KMO: variants seen among roughly 807,000 people sequenced by gnomAD.
KMO encodes the protein kynurenine 3-hydroxylase.
KMO carries 24 observed loss-of-function variants against 57.8 expected under a neutral mutation model. The observed-to-expected ratio is 0.42, with a 90% CI of 0.30 to 0.58. The LOEUF is 0.58. KMO is among the 20% of genes least tolerant of loss of function. The pLI is 0.22. For missense variants in KMO, 483 were observed against 588.2 expected, an observed-to-expected ratio of 0.82 and a Z score of 1.85; for synonymous variants, 210 against 193.6, an observed-to-expected ratio of 1.08 and a Z score of -0.70.
chr1:241,588,175 A>G (rs1375194779), intron 11 of KMO, among the ~76,000 whole-genome samples: 1 of 152,084 alleles, frequency 6.6e-6, no homozygotes, highest in African/African-American at 2.4e-5. Context: ...AACACTGAAT[A>G]ATTTCTATAA....
At chr1:241,554,228 T>TTCCTTCCA (rs1558417427) in intron 4 of KMO, among the ~76,000 whole-genome samples, 1 of 4,070 alleles carries the variant, frequency 2.5e-4, no homozygotes, top group East Asian at 0.013. Flanking sequence ...ATACTTTTCT[T>TTCCTTCCA]TCCTTCCTTC....
chr1:241,540,700 T>C (rs889626094), intron 1 of KMO, among the ~76,000 whole-genome samples: 3 of 152,064 alleles, frequency 2.0e-5, no homozygotes, highest in Non-Finnish European at 4.4e-5. Context: ...AATTTGGAAT[T>C]TTTTCCTGAA....
intron 1 of KMO, among the ~76,000 whole-genome samples, chr1:241,537,182 T>C (rs764982447): frequency 2.0e-5 from 3 of 152,206 alleles, no homozygotes; most frequent in Non-Finnish European, 4.4e-5. Context: ...ACTAGATTGC[T>C]AGTCTTTTAA....
Position 241,593,563 on chromosome 1 carries a change from T to C in KMO, c.*1410T>C, listed in dbSNP as rs1663395805. On this transcript the variant is annotated 3_prime_UTR_variant, in exon 15 of 15. Coordinates refer to ENST00000366559, the MANE Select transcript of KMO (RefSeq NM_003679.5). Reference sequence around the variant, plus strand: ...AAAATAATTTTTCCTTCTACCCACTTTAGGTTCCTTGGCTGGGGCCCCTAT... The same window carrying C: ...AAAATAATTTTTCCTTCTACCCACTCTAGGTTCCTTGGCTGGGGCCCCTAT... 3 of 240,666 alleles carry C rather than the reference T, an allele frequency of 1.2e-5. No homozygotes were observed. The Admixed American group carries it at 1.2e-4, about 10-fold the overall frequency. The allele number at this position is 240,666 out of a possible 1,614,324, so 14.9% of individuals were successfully genotyped here.
At chr1:241,587,138 T>TG (rs111523562) in intron 11 of KMO, among the ~76,000 whole-genome samples, 25 of 151,394 alleles carry the variant, frequency 1.7e-4, no homozygotes, top group African/African-American at 5.8e-4. Flanking sequence ...AGACAGGGGG[T>TG]GGGGGGAGAT....
At chr1:241,550,817 G>A (rs773263196) in intron 3 of KMO, 138 bp from the exon 4 acceptor site, 49 of 524,270 alleles carry the variant, frequency 9.3e-5, no homozygotes, top group South Asian at 2.6e-4. Context: ...TTTCTACCAC[G>A]TTGGGCTTCT....
intron 1 of KMO, among the ~76,000 whole-genome samples, chr1:241,545,008 G>A (rs2147944425): frequency 6.6e-6 from 1 of 152,156 alleles, no homozygotes; most frequent in East Asian, 1.9e-4. Flanking sequence ...TGTTTACTGG[G>A]CACAAGGACT....
chr1:241,548,299 A>G (rs1210630761), intron 1 of KMO, among the ~76,000 whole-genome samples: 1 of 152,148 alleles, frequency 6.6e-6, no homozygotes, highest in South Asian at 2.1e-4. Flanking sequence ...AATGGGTAAA[A>G]TTAAAGTATA....
At chr1:241,587,143 G>A (rs1663030195) in intron 11 of KMO, among the ~76,000 whole-genome samples, 1 of 152,150 alleles carries the variant, frequency 6.6e-6, no homozygotes, top group South Asian at 2.1e-4. Context: ...GGGGGTGGGG[G>A]GAGATGGTTT....
At chr1:241,591,896 C>A in intron 14 of KMO, 57 bp from the exon 15 acceptor site, 4 of 1,425,508 alleles carry the variant, frequency 2.8e-6, no homozygotes, top group Non-Finnish European at 3.9e-6. Flanking sequence ...AAAATGAAGT[C>A]TATTTTCAGA....
chr1:241,538,663 T>A (rs1281527459), intron 1 of KMO, among the ~76,000 whole-genome samples: 3 of 152,184 alleles, frequency 2.0e-5, no homozygotes, highest in Non-Finnish European at 4.4e-5. Context: ...TGAGCCTTCT[T>A]AAATATGAAA....
intron 1 of KMO, among the ~76,000 whole-genome samples, chr1:241,548,091 A>AC (rs1332526736): frequency 6.9e-6 from 1 of 145,094 alleles, no homozygotes; most frequent in Non-Finnish European, 1.6e-5. Context: ...CAAACAAAAC[A>AC]CACACACACA....
At chr1:241,584,964 G>A (rs769749488) in intron 10 of KMO, among the ~76,000 whole-genome samples, 3 of 152,130 alleles carry the variant, frequency 2.0e-5, no homozygotes, top group East Asian at 1.9e-4. Flanking sequence ...GGTGGCTCAC[G>A]CCTGTAATCC....
chr1:241,545,536 C>T (rs1369230392), intron 1 of KMO, among the ~76,000 whole-genome samples: 3 of 152,084 alleles, frequency 2.0e-5, no homozygotes, highest in East Asian at 1.9e-4. Flanking sequence ...TTCCTCAATG[C>T]GTGTCTGATT....
intron 1 of KMO, among the ~76,000 whole-genome samples, chr1:241,533,313 T>G (rs1660639482): frequency 6.6e-6 from 1 of 152,232 alleles, no homozygotes. Context: ...TTGGAGACTT[T>G]TCATTAATTA....
chr1:241,582,970 G>C (rs1662813491), intron 10 of KMO, among the ~76,000 whole-genome samples: 1 of 152,224 alleles, frequency 6.6e-6, no homozygotes, highest in South Asian at 2.1e-4. Flanking sequence ...CTAAGTTTAT[G>C]GTCACTGCAG....
At chr1:241,568,394 T>C in intron 9 of KMO, 106 bp from the exon 10 acceptor site, 1 of 1,151,310 alleles carries the variant, frequency 8.7e-7, no homozygotes, top group Non-Finnish European at 1.3e-6. Flanking sequence ...GGCATTCTTG[T>C]TTTTCAACAA....
At chr1:241,566,066 T>C (rs1436961471) in intron 8 of KMO, among the ~76,000 whole-genome samples, 1 of 151,234 alleles carries the variant, frequency 6.6e-6, no homozygotes, top group Non-Finnish European at 1.5e-5. Context: ...ATTAGCCGGG[T>C]GTGGTGGTGG....
chr1:241,556,159 G>A lies in KMO; in HGVS notation c.361+499G>A, dbSNP rs141249468. Among the ~76,000 whole-genome samples the A allele has an allele frequency of 2.5e-3, 382 of 152,112 alleles. 2 individuals carry two copies. Among genetic ancestry groups the A allele is most frequent in the African/African-American group, 8.0e-3 (332 of 41,512 alleles). On this transcript the variant is annotated intron_variant, in intron 5 of 14. Transcript: ENST00000366559. Reference sequence around the variant, plus strand: ...TCAATTGCCTAAAGTTTTTAGAGACGAAGTCTTGCTGTCACCCAGACTGAT... The same window carrying A: ...TCAATTGCCTAAAGTTTTTAGAGACAAAGTCTTGCTGTCACCCAGACTGAT...
Sources: allele counts gnomAD v4.1 joint callset (sites outside exome capture counted in the v4.1 genomes callset), GRCh38; gene constraint gnomAD v4.1.1; transcripts MANE v1.5; gene names NCBI Gene and HGNC (gene_info 2026-07-23, HGNC 2026-07-21).